Variants in CPNE4 observed in about 807,000 individuals in gnomAD.
CPNE4 encodes the protein copine 4, also known as copine-4.
A neutral mutation model predicts 67.9 loss-of-function variants in CPNE4; 25 were observed. The observed-to-expected ratio is 0.37, with a 90% CI of 0.27 to 0.51. The LOEUF (loss-of-function observed/expected upper bound fraction) is 0.51, where lower values mean the gene tolerates loss of function less well. Among genes scored for constraint, CPNE4 ranks in the 20% least tolerant of loss-of-function variants. The pLI is 0.93. For missense variants in CPNE4, 464 were observed against 690.8 expected, an observed-to-expected ratio of 0.67 and a Z score of 3.68; for synonymous variants, 242 against 244.9, an observed-to-expected ratio of 0.99 and a Z score of 0.11.
At chr3:131,950,163 T>C (rs535491707) in intron 1 of CPNE4, among the ~76,000 whole-genome samples, 2 of 152,334 alleles carry the variant, frequency 1.3e-5, no homozygotes, top group East Asian at 3.9e-4. Context: ...ACAATATTTT[T>C]GTCAATCAAT....
At chr3:131,997,899 A>C (rs374545881) in intron 1 of CPNE4, among the ~76,000 whole-genome samples, 2 of 152,162 alleles carry the variant, frequency 1.3e-5, no homozygotes, top group South Asian at 2.1e-4. Flanking sequence ...ATGCTGTTTC[A>C]TGAGGGCTGA....
intron 2 of CPNE4, among the ~76,000 whole-genome samples, chr3:131,728,364 G>C (rs1351933505): frequency 6.6e-6 from 1 of 152,212 alleles, no homozygotes; most frequent in East Asian, 1.9e-4. Context: ...GGTAGCAGAG[G>C]TGGGATGTGA....
intron 4 of CPNE4, among the ~76,000 whole-genome samples, chr3:131,697,698 T>C (rs2081187380): frequency 6.6e-6 from 1 of 152,220 alleles, no homozygotes. Flanking sequence ...CTATCATATT[T>C]GTATTTTTCA....
At chr3:131,960,286 A>T (rs1246407907) in intron 1 of CPNE4, among the ~76,000 whole-genome samples, 1 of 152,218 alleles carries the variant, frequency 6.6e-6, no homozygotes, top group Non-Finnish European at 1.5e-5. Flanking sequence ...TCCACAGTTA[A>T]TTTCAAACAG....
intron 2 of CPNE4, among the ~76,000 whole-genome samples, chr3:131,731,991 T>C (rs941654773): frequency 2.6e-5 from 4 of 152,262 alleles, no homozygotes; most frequent in African/African-American, 4.8e-5. Context: ...GGGGAACCAA[T>C]GCATCAGCAA....
chr3:131,775,035 C>T (rs1056841170), intron 2 of CPNE4, among the ~76,000 whole-genome samples: 1 of 152,118 alleles, frequency 6.6e-6, no homozygotes, highest in Non-Finnish European at 1.5e-5. Flanking sequence ...TGTCTTTTAA[C>T]TGATCTGGTC....
chr3:131,684,945 G>A lies in CPNE4; in HGVS notation c.591+930C>T, dbSNP rs149873817. ...GAGAAAGAAGAGGAAGAGTGAGAAG[G>A]AGATACAACTAGACTAAGTGGCTGC... On this transcript the variant is annotated intron_variant, in intron 6 of 15. Transcript: ENST00000429747. Among the ~76,000 whole-genome samples, 150 of 152,260 alleles carry A rather than the reference G, an allele frequency of 9.9e-4. No homozygotes were observed. The Middle Eastern group carries it at 0.027, about 28-fold the overall frequency.
chr3:132,035,847 T>C (rs1466479781), upstream of CPNE4, among the ~76,000 whole-genome samples: 2 of 152,118 alleles, frequency 1.3e-5, no homozygotes, highest in African/African-American at 4.8e-5. Context: ...CTTTCTGACA[T>C]TGGGATGGTA....
intron 1 of CPNE4, among the ~76,000 whole-genome samples, chr3:131,956,671 T>C (rs920934535): frequency 6.6e-6 from 1 of 152,144 alleles, no homozygotes. Flanking sequence ...CAAAAATAAT[T>C]GAGATTGATA....
chr3:131,876,635 C>A (rs1446179534), intron 2 of CPNE4, among the ~76,000 whole-genome samples: 1 of 36,414 alleles, frequency 2.7e-5, no homozygotes, highest in Non-Finnish European at 5.2e-5. Context: ...GAGCAAGACT[C>A]CGTCTCAAAA....
intron 2 of CPNE4, among the ~76,000 whole-genome samples, chr3:131,882,275 A>G (rs947116637): frequency 1.8e-4 from 28 of 152,196 alleles, no homozygotes; most frequent in African/African-American, 4.6e-4. Flanking sequence ...TAATTAATAA[A>G]CTTCTTAACA....
intron 1 of CPNE4, among the ~76,000 whole-genome samples, chr3:132,005,526 G>A (rs1229922308): frequency 1.3e-5 from 2 of 151,772 alleles, no homozygotes; most frequent in Non-Finnish European, 2.9e-5. Context: ...CCAAAAGCAT[G>A]AGGGAGGGCA....
chr3:131,862,883 A>G lies in CPNE4; in HGVS notation c.180+42381T>C, dbSNP rs537893770. Among the ~76,000 whole-genome samples the G allele has an allele frequency of 2.3e-3, 269 of 118,770 alleles. 2 individuals are homozygous for G. Among genetic ancestry groups the G allele is most frequent in the African/African-American group, 8.5e-3 (249 of 29,148 alleles). The allele number at this position is 118,770 out of a possible 152,430, so 77.9% of individuals were successfully genotyped here. On this transcript the variant is annotated intron_variant, in intron 2 of 15. Transcript: ENST00000429747. ...ATCCCCCCACCCCACAACAGGCCCC[A>G]GTGTGTGATGTTCCCCTTCCTGTGT...
intron 11 of CPNE4, among the ~76,000 whole-genome samples, chr3:131,560,690 G>C (rs913859681): frequency 6.6e-6 from 1 of 151,990 alleles, no homozygotes; most frequent in Non-Finnish European, 1.5e-5. Flanking sequence ...ACAGCTTCCC[G>C]TGAGGTGTTT....
intron 2 of CPNE4, among the ~76,000 whole-genome samples, chr3:131,729,906 C>A (rs969475867): frequency 6.6e-6 from 1 of 152,140 alleles, no homozygotes; most frequent in Non-Finnish European, 1.5e-5. Context: ...TATTAAATTC[C>A]TTCTTGAAAT....
chr3:132,013,863 AT>A (rs2073829509), intron 1 of CPNE4, among the ~76,000 whole-genome samples: 1 of 152,102 alleles, frequency 6.6e-6, no homozygotes, highest in Non-Finnish European at 1.5e-5. Context: ...TGGATCCCAG[AT>A]TTGCACTCAG....
rs142635594 is a variant in CPNE4, at chr3:131,766,711, C to T, written c.181-43086G>A. Among the ~76,000 whole-genome samples the T allele has an allele frequency of 4.0e-3, 608 of 152,028 alleles. 6 individuals carry two copies. The highest frequency in any genetic ancestry group is 0.014 in the African/African-American group (573 of 41,462). ...TAGAATTCTAAAAACTGGATACAGC[C>T]GTACAAAATGCTCGTTATATTAGAA... On this transcript the variant is annotated intron_variant, in intron 2 of 15. Transcript: ENST00000429747.
chr3:131,806,232 G>A (rs62280880), intron 2 of CPNE4, among the ~76,000 whole-genome samples: 37,172 of 152,102 alleles, frequency 0.24, 5,037 homozygotes, highest in East Asian at 0.34. Flanking sequence ...TATGAACTTT[G>A]CCTTAAATAT....
At chr3:131,568,066 T>C (rs975387089) in intron 10 of CPNE4, among the ~76,000 whole-genome samples, 26 of 151,930 alleles carry the variant, frequency 1.7e-4, no homozygotes, top group Admixed American at 1.3e-4. Flanking sequence ...AATTAACTGA[T>C]GAAAAAGGAA....
Sources: allele counts gnomAD v4.1 joint callset (sites outside exome capture counted in the v4.1 genomes callset), GRCh38; gene constraint gnomAD v4.1.1; transcripts MANE v1.5; gene names NCBI Gene and HGNC (gene_info 2026-07-23, HGNC 2026-07-21).